Variants in AGAP1 observed in about 807,000 individuals in gnomAD.
The protein encoded by AGAP1 is arf-GAP with GTPase, ANK repeat and PH domain-containing protein 1.
AGAP1 carries 29 observed loss-of-function variants against 105.3 expected under a neutral mutation model. The ratio of observed to expected loss-of-function variants is 0.28; its 90% CI spans 0.21 to 0.38. AGAP1 has a LOEUF of 0.38. Among genes scored for constraint, AGAP1 ranks in the 10% least tolerant of loss-of-function variants. The pLI is 1.00. For missense variants in AGAP1, 998 were observed against 1,165.1 expected, an observed-to-expected ratio of 0.86 and a Z score of 2.09; for synonymous variants, 509 against 485.9, an observed-to-expected ratio of 1.05 and a Z score of -0.63.
Position 236,073,953 on chromosome 2 carries a change from T to TGC in AGAP1, c.2114+24673_2114+24674dup, listed in dbSNP as rs1231938011. On this transcript the variant is annotated intron_variant, in intron 16 of 17. Coordinates refer to ENST00000304032, the MANE Select transcript of AGAP1 (RefSeq NM_001037131.3). The surrounding 1 kb of genome is among the most constrained non-coding windows in gnomAD (Gnocchi z 5.4). ...CCCAGCTCAAGAACCACCCTCTGGG[T>TGC]GCCAAGGTCTCCTCCAGGAGCACAG... Among the ~76,000 whole-genome samples the TGC allele has an allele frequency of 6.6e-6, 1 of 152,032 alleles. No individual in the cohort carries two copies. The highest frequency in any genetic ancestry group is 1.5e-5 in the Non-Finnish European group (1 of 67,988).
At chr2:236,041,687 CAAGGT>C (rs1370356964) in intron 15 of AGAP1, among the ~76,000 whole-genome samples, 6 of 152,146 alleles carry the variant, frequency 3.9e-5, no homozygotes, top group African/African-American at 1.4e-4. Flanking sequence ...TCAGTTCAAA[CAAGGT>C]AAGAGGTGCT....
intron 9 of AGAP1, among the ~76,000 whole-genome samples, chr2:235,869,337 C>G (rs1295500772): frequency 2.1e-5 from 3 of 142,186 alleles, no homozygotes; most frequent in Non-Finnish European, 4.5e-5. Context: ...GTAATCCCAG[C>G]ACTTTGGAAG....
chr2:236,102,185 A>G (rs865945546), intron 16 of AGAP1, among the ~76,000 whole-genome samples: 3 of 152,312 alleles, frequency 2.0e-5, no homozygotes, highest in Middle Eastern at 3.4e-3. Context: ...TGGGAGGCCA[A>G]GGCGGGCGGA....
chr2:235,910,091 C>G (rs1334190223), intron 11 of AGAP1, among the ~76,000 whole-genome samples: 1 of 152,160 alleles, frequency 6.6e-6, no homozygotes, highest in Non-Finnish European at 1.5e-5. Context: ...TCTGAAACAT[C>G]AAGTGCTTTT....
chr2:235,646,541 A>G lies in AGAP1; in HGVS notation c.164-62638A>G, dbSNP rs546060478. ...TCCTCTCCATGTAGGAACGGGGGGC[A>G]TTTTGGTTAGCTGGGTTAGGCTTGC... is the stretch of plus-strand genomic sequence containing the variant. On this transcript the variant is annotated intron_variant, in intron 1 of 17. Coordinates refer to ENST00000304032, the MANE Select transcript of AGAP1 (RefSeq NM_001037131.3). Among the ~76,000 whole-genome samples the G allele has an allele frequency of 2.0e-5, 3 of 152,292 alleles. No individual in the cohort carries two copies. The East Asian group carries it at 5.8e-4, about 29-fold the overall frequency.
At chr2:235,613,071 T>A (rs1329939593) in intron 1 of AGAP1, among the ~76,000 whole-genome samples, 1 of 151,002 alleles carries the variant, frequency 6.6e-6, no homozygotes, top group Non-Finnish European at 1.5e-5. Flanking sequence ...TCGCCCAGGC[T>A]GGATAGAGTG....
At chr2:235,702,421 C>T (rs1311585981) in intron 1 of AGAP1, among the ~76,000 whole-genome samples, 2 of 152,302 alleles carry the variant, frequency 1.3e-5, no homozygotes, top group South Asian at 2.1e-4. Context: ...CTTCCCTGGT[C>T]CTTGCAGCCA....
chr2:235,602,888 GA>G, intron 1 of AGAP1, among the ~76,000 whole-genome samples: 1 of 152,100 alleles, frequency 6.6e-6, no homozygotes, highest in South Asian at 2.1e-4. Context: ...TTTTAGTAGA[GA>G]AGGGGTTTTA....
rs189032777 is a variant in AGAP1, at chr2:235,974,780, C to G, written c.1645+6157C>G. 4.9e-3 allele frequency among the ~76,000 whole-genome samples: 744 copies of G among 152,286 alleles called. 7 individuals are homozygous for G. Among genetic ancestry groups the G allele is most frequent in the African/African-American group, 0.017 (702 of 41,562 alleles). ...TCCCTTCACTCTTTCAAAGGAGAAC[C>G]TGAAATTGTAGATCATTTTATTCTT... is the stretch of plus-strand genomic sequence containing the variant. On this transcript the variant is annotated intron_variant, in intron 13 of 17. Transcript: ENST00000304032.
At position 235,739,878 on chromosome 2, in the gene AGAP1, G is replaced by A. The variant is rs917602362; in HGVS notation, c.311-1085G>A. Among the ~76,000 whole-genome samples the A allele has an allele frequency of 3.3e-5, 5 of 152,196 alleles. No individual in the cohort carries two copies. The highest frequency in any genetic ancestry group is 1.3e-4 in the Admixed American group (2 of 15,282). On this transcript the variant is annotated intron_variant, in intron 3 of 17. Transcript: ENST00000304032. This position sits in a 1 kb window ranked among gnomAD's most constrained non-coding sequence, Gnocchi z 5.3. ...GTCGCAGGGGAGGGAATCAGACGTC[G>A]CTCTGGGCGGCAGTGGAGCTGGCAG... is the stretch of plus-strand genomic sequence containing the variant.
At chr2:235,816,468 A>G (rs912089550) in intron 9 of AGAP1, among the ~76,000 whole-genome samples, 1 of 150,826 alleles carries the variant, frequency 6.6e-6, no homozygotes, top group Non-Finnish European at 1.5e-5. Flanking sequence ...GGAAAGAAAG[A>G]GCAGGAGTGC....
rs1439392537 is a variant in AGAP1, at chr2:235,963,734, A to C, written c.1484-4728A>C. Among the ~76,000 whole-genome samples, 4 of 152,124 alleles carry C rather than the reference A, an allele frequency of 2.6e-5. 1 individual carries two copies. The highest frequency in any genetic ancestry group is 2.6e-4 in the Admixed American group (4 of 15,274). On this transcript the variant is annotated intron_variant, in intron 12 of 17. Transcript: ENST00000304032. This position sits in a 1 kb window ranked among gnomAD's most constrained non-coding sequence, Gnocchi z 5.1. Reference sequence around the variant, plus strand: ...TTCACCATCTTTTTCATTGATGTGGATGGATATATGGGAGTATATGCTCAG... The same window carrying C: ...TTCACCATCTTTTTCATTGATGTGGCTGGATATATGGGAGTATATGCTCAG...
intron 12 of AGAP1, among the ~76,000 whole-genome samples, chr2:235,943,922 A>C (rs1050465618): frequency 6.6e-6 from 1 of 152,194 alleles, no homozygotes; most frequent in Non-Finnish European, 1.5e-5. Context: ...ATTATGTGAC[A>C]GATAAGGTTA....
At chr2:235,571,815 C>G (rs901312578) in intron 1 of AGAP1, among the ~76,000 whole-genome samples, 4 of 151,806 alleles carry the variant, frequency 2.6e-5, no homozygotes, top group Non-Finnish European at 5.9e-5. Context: ...CCAGGCTGGT[C>G]TCAAACTCCT....
chr2:236,024,554 A>G (rs992664214), intron 13 of AGAP1, among the ~76,000 whole-genome samples: 5 of 152,176 alleles, frequency 3.3e-5, no homozygotes, highest in Non-Finnish European at 5.9e-5. Context: ...TCCAAATGTG[A>G]AACGGTTTTC....
At chr2:235,722,093 C>G (rs1199312856) in intron 3 of AGAP1, among the ~76,000 whole-genome samples, 1 of 152,226 alleles carries the variant, frequency 6.6e-6, no homozygotes, top group East Asian at 1.9e-4. Context: ...CTTGTGATTT[C>G]ATGAAAGCCA....
intron 1 of AGAP1, among the ~76,000 whole-genome samples, chr2:235,594,817 A>G (rs1574926416): frequency 6.9e-6 from 1 of 145,782 alleles, no homozygotes; most frequent in Non-Finnish European, 1.5e-5. Flanking sequence ...CAAGTGATCC[A>G]CCTGCCTCGG....
chr2:236,025,963 G>A (rs1032264767), intron 13 of AGAP1, among the ~76,000 whole-genome samples: 1 of 152,044 alleles, frequency 6.6e-6, no homozygotes. Context: ...GTAACGAACT[G>A]TAGGACAGGC....
At position 235,563,049 on chromosome 2, in the gene AGAP1, C is replaced by CA. The variant is rs564809507; in HGVS notation, c.163+68206dup. On this transcript the variant is annotated intron_variant, in intron 1 of 17. Coordinates refer to ENST00000304032, the MANE Select transcript of AGAP1 (RefSeq NM_001037131.3). ...GGGGCAACAGAACAAGACCCTATCT[C>CA]AAAAAATAATTAAAATAAAATAAAA... Among the ~76,000 whole-genome samples, 263 of 152,172 alleles carry CA rather than the reference C, an allele frequency of 1.7e-3. 5 individuals are homozygous for CA. The highest frequency in any genetic ancestry group is 9.9e-4 in the Non-Finnish European group (67 of 68,004).
Sources: allele counts gnomAD v4.1 joint callset (sites outside exome capture counted in the v4.1 genomes callset), GRCh38; gene constraint gnomAD v4.1.1; non-coding constraint Gnocchi (gnomAD v3.1); transcripts MANE v1.5; gene names NCBI Gene and HGNC (gene_info 2026-07-23, HGNC 2026-07-21).